The following FOXP1 variants were observed in gnomAD, a reference collection of about 807,000 sequenced individuals.
The protein encoded by FOXP1 is forkhead box P1.
A neutral mutation model predicts 98.2 loss-of-function variants in FOXP1; 15 were observed. The observed-to-expected ratio is 0.15, with a 90% confidence interval of 0.10 to 0.24. FOXP1 has a LOEUF of 0.24. Among genes scored for constraint, FOXP1 ranks in the 10% least tolerant of loss-of-function variants. FOXP1 has a pLI of 1.00. For missense variants in FOXP1, 633 were observed against 848.5 expected (o/e 0.75, Z 3.15); for synonymous variants, 371 against 314.5 (o/e 1.18, Z -1.90).
intron 2 of FOXP1, among the ~76,000 whole-genome samples, chr3:71,495,729 C>T (rs2107096275): frequency 6.6e-6 from 1 of 152,254 alleles, no homozygotes; most frequent in South Asian, 2.1e-4. Context: ...AGCTTGTGCC[C>T]ATGGGAACTC....
intron 4 of FOXP1, among the ~76,000 whole-genome samples, chr3:71,306,267 G>C (rs986266549): frequency 5.3e-5 from 8 of 152,034 alleles, no homozygotes; most frequent in Admixed American, 5.2e-4. Flanking sequence ...AAAATGAATT[G>C]TATTCATTAG....
chr3:71,561,255 C>T (rs1417954664), intron 2 of FOXP1, among the ~76,000 whole-genome samples: 1 of 152,056 alleles, frequency 6.6e-6, no homozygotes, highest in African/African-American at 2.4e-5. Flanking sequence ...GGGATTTCAC[C>T]TTGTTGGCCA....
chr3:71,331,518 C>T (rs13061869), intron 4 of FOXP1, among the ~76,000 whole-genome samples: 20,256 of 152,312 alleles, frequency 0.13, 1,652 homozygotes, highest in Non-Finnish European at 0.19. Context: ...GCTCCACCTG[C>T]GGCCCCGGTG....
intron 5 of FOXP1, among the ~76,000 whole-genome samples, chr3:71,225,284 C>G (rs1293864575): frequency 6.6e-6 from 1 of 152,174 alleles, no homozygotes; most frequent in African/African-American, 2.4e-5. Context: ...TCAATCTGAT[C>G]AGCAGTGAGC....
chr3:71,326,565 A>T lies in FOXP1; in HGVS notation c.-72-26685T>A, dbSNP rs183416082. The stretch of plus-strand genomic sequence containing the variant: ...TTCTTCAAGAGATGTGTTGTGAAAA[A>T]ATAGAAGGAAGGAAGGGAGAGTTTG... On this transcript the variant is annotated intron_variant, in intron 4 of 20. Transcript: ENST00000649528. Among the ~76,000 whole-genome samples the T allele has an allele frequency of 2.0e-4, 31 of 152,300 alleles. No individual in the cohort carries two copies. The East Asian group carries it at 3.9e-3, about 19-fold the overall frequency.
At position 71,264,249 on chromosome 3, in the gene FOXP1, T is replaced by C. The variant is rs146333727; in HGVS notation, c.-12+35571A>G. 3.9e-3 allele frequency among the ~76,000 whole-genome samples: 601 copies of C among 152,284 alleles called. 2 individuals are homozygous for C. Among genetic ancestry groups the C allele is most frequent in the African/African-American group, 0.014 (580 of 41,552 alleles). On this transcript the variant is annotated intron_variant, in intron 5 of 20. Coordinates refer to ENST00000649528, the MANE Select transcript of FOXP1 (RefSeq NM_001349338.3). Reference sequence around the variant, plus strand: ...GCCATCCATGTTTATCACCTTATCATAGAAACCAAATATCCTGAAGACTTG... The same window carrying C: ...GCCATCCATGTTTATCACCTTATCACAGAAACCAAATATCCTGAAGACTTG...
chr3:71,075,395 A>G (rs2053692138), intron 7 of FOXP1, among the ~76,000 whole-genome samples: 1 of 152,192 alleles, frequency 6.6e-6, no homozygotes, highest in Non-Finnish European at 1.5e-5. Flanking sequence ...CTTTTGCTAT[A>G]ATGAAATTAC....
At chr3:71,510,472 G>C (rs956717115) in intron 2 of FOXP1, among the ~76,000 whole-genome samples, 1 of 151,876 alleles carries the variant, frequency 6.6e-6, no homozygotes, top group Non-Finnish European at 1.5e-5. Context: ...GTGAGACTCT[G>C]TCTCTAAAAA....
chr3:71,153,639 C>T (rs2060680983), intron 6 of FOXP1, among the ~76,000 whole-genome samples: 1 of 151,934 alleles, frequency 6.6e-6, no homozygotes, highest in African/African-American at 2.4e-5. Flanking sequence ...CATGGAATGG[C>T]CCTGTTGTAT....
intron 12 of FOXP1, 132 bp from the exon 13 acceptor site, chr3:71,001,191 G>C (rs1161714592): frequency 2.9e-6 from 2 of 696,012 alleles, no homozygotes; most frequent in Admixed American, 2.0e-5. Context: ...GGGGTGGCCT[G>C]TCCTTTCCAT....
At chr3:71,078,668 T>C (rs2107501883) in intron 7 of FOXP1, among the ~76,000 whole-genome samples, 2 of 152,048 alleles carry the variant, frequency 1.3e-5, no homozygotes, top group Non-Finnish European at 2.9e-5. Flanking sequence ...TTTTCTAAAC[T>C]GCTACCAATA....
At chr3:71,181,665 G>T (rs1260862101) in intron 6 of FOXP1, among the ~76,000 whole-genome samples, 2 of 152,256 alleles carry the variant, frequency 1.3e-5, no homozygotes, top group Admixed American at 6.5e-5. Flanking sequence ...TAATGACTGT[G>T]GACATGCGAC....
intron 5 of FOXP1, among the ~76,000 whole-genome samples, chr3:71,267,892 C>A (rs901764435): frequency 6.6e-6 from 1 of 151,642 alleles, no homozygotes; most frequent in Non-Finnish European, 1.5e-5. Context: ...GTAGTGGGTG[C>A]CTGTAATCCC....
intron 3 of FOXP1, among the ~76,000 whole-genome samples, chr3:71,381,519 T>G (rs1006221281): frequency 6.9e-6 from 1 of 144,036 alleles, no homozygotes; most frequent in Admixed American, 7.4e-5. Context: ...CACAGCTCAC[T>G]GCGGCCTCAA....
intron 13 of FOXP1, among the ~76,000 whole-genome samples, chr3:70,989,666 T>C (rs2040307734): frequency 6.6e-6 from 1 of 152,122 alleles, no homozygotes; most frequent in South Asian, 2.1e-4. Context: ...TTTAAAGTTA[T>C]CAAAGGCCAG....
intron 5 of FOXP1, among the ~76,000 whole-genome samples, chr3:71,244,278 G>C (rs1379368013): frequency 6.6e-6 from 1 of 152,096 alleles, no homozygotes; most frequent in Admixed American, 6.5e-5. Context: ...CTACATAAAA[G>C]CTGCCACAGT....
chr3:71,518,948 A>G (rs1175792487), intron 2 of FOXP1, among the ~76,000 whole-genome samples: 1 of 152,224 alleles, frequency 6.6e-6, no homozygotes, highest in Non-Finnish European at 1.5e-5. Context: ...ATAGCAGGGG[A>G]TAAAATAATG....
rs2031885701 is a variant in FOXP1, at chr3:70,956,727, GAA to G, written c.*2518_*2519del. 1.7e-5 allele frequency: 2 copies of G among 115,786 alleles called. No individual in the cohort carries two copies. Among genetic ancestry groups the G allele is most frequent in the Non-Finnish European group, 3.4e-5 (2 of 59,162 alleles). 7.2% of individuals were successfully genotyped at this position (115,786 alleles called of 1,614,324 possible). ...TGCCTGCACATCATGAAGCTGCCTG[GAA>G]AAGTTTTTTTTTTTTTTTTTTTTTT... On this transcript the variant is annotated 3_prime_UTR_variant, in exon 21 of 21. Coordinates refer to ENST00000649528, the MANE Select transcript of FOXP1 (RefSeq NM_001349338.3).
intron 17 of FOXP1, among the ~76,000 whole-genome samples, chr3:70,974,787 C>G (rs1385507260): frequency 6.6e-6 from 1 of 152,144 alleles, no homozygotes; most frequent in Non-Finnish European, 1.5e-5. Context: ...CTGCTTGATG[C>G]TTTAAAATAA....
Sources: allele counts gnomAD v4.1 joint callset (sites outside exome capture counted in the v4.1 genomes callset), GRCh38; gene constraint gnomAD v4.1.1; transcripts MANE v1.5; gene names NCBI Gene and HGNC (gene_info 2026-07-23, HGNC 2026-07-21).